Variants in SLAIN1 observed in about 807,000 individuals in gnomAD.
SLAIN1 encodes SLAIN motif-containing protein 1.
SLAIN1 carries 17 observed loss-of-function variants against 55.4 expected under a neutral mutation model. That is an observed-to-expected ratio of 0.31 (90% CI 0.21 to 0.46). SLAIN1 has a LOEUF of 0.46. SLAIN1 is among the 20% of genes least tolerant of loss of function. The probability of loss-of-function intolerance (pLI) is 1.00; values close to 1 mark genes in which losing one functional copy is unlikely to be tolerated. For synonymous variants in SLAIN1, 348 were observed against 337.4 expected (o/e 1.03, Z -0.35); for missense variants, 682 against 785.1 (o/e 0.87, Z 1.57).
intron 5 of SLAIN1, among the ~76,000 whole-genome samples, chr13:77,758,433 G>T (rs1002608935): frequency 7.2e-5 from 11 of 151,836 alleles, no homozygotes; most frequent in African/African-American, 2.7e-4. Flanking sequence ...AGTTTAATTA[G>T]GTCCCATTTA....
At chr13:77,728,314 A>C (rs575484769) in intron 2 of SLAIN1, among the ~76,000 whole-genome samples, 41 of 152,318 alleles carry the variant, frequency 2.7e-4, no homozygotes, top group African/African-American at 7.7e-4. Context: ...AAATAACCAA[A>C]TAATGATCAA....
In SLAIN1 at chr13:77,698,387, C is replaced by A; in HGVS notation, c.474C>A (p.Gly158=). ...TCAAGCCGGCAGCAGGCTTCTTCGG[C>A]GCGGGCGGTGGCGGGCCGGAGCCGG... ...VYFKPAAGFF[G]AGGGGPEPGG... is the part of the protein sequence containing the mutation. Residue 158 remains glycine, a synonymous_variant, in exon 1 of 7, where the codon GGC becomes GGA. Coordinates refer to ENST00000418532, the MANE Select transcript of SLAIN1 (RefSeq NM_001242868.2). This position sits in a 1 kb window ranked among gnomAD's most constrained non-coding sequence, Gnocchi z 4.1. 3.5e-6 allele frequency: 5 copies of A among 1,419,240 alleles called. No homozygotes were observed. Among genetic ancestry groups the A allele is most frequent in the Non-Finnish European group, 4.6e-6 (5 of 1,087,054 alleles). 87.9% of individuals were successfully genotyped at this position (1,419,240 alleles called of 1,614,324 possible). A position where few individuals can be genotyped will look rare whatever the true frequency, so the allele number is the denominator to read the frequency against.
intron 4 of SLAIN1, among the ~76,000 whole-genome samples, chr13:77,748,954 C>T (rs1874026787): frequency 6.6e-6 from 1 of 152,166 alleles, no homozygotes; most frequent in Admixed American, 6.5e-5. Context: ...ATGAATGTTA[C>T]ATTGCATGTA....
intron 5 of SLAIN1, among the ~76,000 whole-genome samples, chr13:77,756,740 G>A (rs1874635121): frequency 6.6e-6 from 1 of 152,064 alleles, no homozygotes; most frequent in Admixed American, 6.6e-5. Context: ...CAGCAACACA[G>A]GTGAATCTCA....
intron 1 of SLAIN1, among the ~76,000 whole-genome samples, chr13:77,699,917 G>T (rs2091014309): frequency 6.6e-6 from 1 of 152,060 alleles, no homozygotes; most frequent in African/African-American, 2.4e-5. Flanking sequence ...ATGGTCCTTA[G>T]ATTTCACTAA....
intron 1 of SLAIN1, among the ~76,000 whole-genome samples, chr13:77,706,951 T>C (rs2091095948): frequency 6.6e-6 from 1 of 152,206 alleles, no homozygotes; most frequent in Non-Finnish European, 1.5e-5. Context: ...GCTTCCTTTA[T>C]TCCTAGTATT....
intron 2 of SLAIN1, among the ~76,000 whole-genome samples, chr13:77,728,984 A>G (rs1435273033): frequency 6.6e-6 from 1 of 152,222 alleles, no homozygotes; most frequent in Admixed American, 6.6e-5. Context: ...TTGTGCAGAG[A>G]CAGGGTCTCC....
At position 77,760,977 on chromosome 13, in the gene SLAIN1, T is replaced by A; in HGVS notation, c.1564T>A (p.Ser522Thr). ...MPLSNGLQLY[S>T]NTGIPTPNKA... ...TTTATCAAACGGCTTACAGCTGTAT[T>A]CCAACACAGGAATCCCCACACCGAA... The change falls in exon 6 of 7, where the codon TCC becomes ACC. Residue 522 changes from serine (S) to threonine (T), a missense_variant. Ser to Thr is a moderately conservative substitution (Grantham distance 58). This residue lies in a region of SLAIN1 where 244 missense variants were observed against 295.2 expected (regional missense o/e 0.83). Transcript: ENST00000418532. 2 of 1,614,180 alleles carry A rather than the reference T, an allele frequency of 1.2e-6. No homozygotes were observed. The highest frequency in any genetic ancestry group is 1.7e-6 in the Non-Finnish European group (2 of 1,180,032).
At chr13:77,707,424 T>G (rs1438886908) in intron 1 of SLAIN1, among the ~76,000 whole-genome samples, 7 of 152,314 alleles carry the variant, frequency 4.6e-5, no homozygotes, top group Admixed American at 3.9e-4. Flanking sequence ...TCTTGACATT[T>G]TCATCTGTTC....
chr13:77,747,186 G>T (rs1200657479), intron 4 of SLAIN1, among the ~76,000 whole-genome samples: 1 of 151,900 alleles, frequency 6.6e-6, no homozygotes, highest in East Asian at 1.9e-4. Context: ...CAGGTAATCT[G>T]CCCGCCTTAG....
At chr13:77,706,463 C>G (rs559850583) in intron 1 of SLAIN1, among the ~76,000 whole-genome samples, 2 of 152,078 alleles carry the variant, frequency 1.3e-5, no homozygotes, top group South Asian at 4.1e-4. Flanking sequence ...CATAAAATCC[C>G]TCATTAAGGT....
chr13:77,717,352 C>T (rs1260486596), intron 1 of SLAIN1, among the ~76,000 whole-genome samples: 2 of 152,040 alleles, frequency 1.3e-5, no homozygotes, highest in Non-Finnish European at 2.9e-5. Context: ...GGATGTATTC[C>T]CTCCTCTTCT....
chr13:77,732,158 T>A (rs1372750050), intron 2 of SLAIN1, among the ~76,000 whole-genome samples: 1 of 152,144 alleles, frequency 6.6e-6, no homozygotes, highest in Admixed American at 6.5e-5. Flanking sequence ...GAAGAGTCTT[T>A]TAGTATCAGA....
At chr13:77,710,213 A>G (rs565151680) in intron 1 of SLAIN1, among the ~76,000 whole-genome samples, 1 of 152,214 alleles carries the variant, frequency 6.6e-6, no homozygotes, top group Non-Finnish European at 1.5e-5. Context: ...GACAGGATCA[A>G]ATTCACACAT....
At chr13:77,700,497 G>T (rs1435107779) in intron 1 of SLAIN1, among the ~76,000 whole-genome samples, 1 of 152,100 alleles carries the variant, frequency 6.6e-6, no homozygotes, top group Non-Finnish European at 1.5e-5. Context: ...TAGTGGGATG[G>T]TCTTAAAAAT....
chr13:77,741,171 G>A (rs556747194), intron 2 of SLAIN1: 211 of 985,350 alleles, frequency 2.1e-4, no homozygotes, highest in Non-Finnish European at 2.5e-4. Flanking sequence ...TAATTTGCCT[G>A]GCAAGTGATC....
rs150195947 is a variant in SLAIN1, at chr13:77,761,845, C to T, written c.1697+735C>T. Among the ~76,000 whole-genome samples, 797 of 151,864 alleles carry T rather than the reference C, an allele frequency of 5.2e-3. 3 individuals are homozygous for T. Among genetic ancestry groups the T allele is most frequent in the Middle Eastern group, 0.031 (9 of 292 alleles). On this transcript the variant is annotated intron_variant, in intron 6 of 6. Coordinates refer to ENST00000418532, the MANE Select transcript of SLAIN1 (RefSeq NM_001242868.2). ...TCATGGAGTATCTTATATTAAAAAT[C>T]CATAAAAGTGGTTTGAGGAGAGATT...
In SLAIN1 at chr13:77,738,276, T is replaced by A. The variant is rs537159716; in HGVS notation, c.767-6007T>A. ...TATATACATATACATATATATATAT[T>A]TTTTTCTCAGGTACACGGCATTACT... On this transcript the variant is annotated intron_variant, in intron 2 of 6. Coordinates refer to ENST00000418532, the MANE Select transcript of SLAIN1 (RefSeq NM_001242868.2). 1.2e-3 allele frequency among the ~76,000 whole-genome samples: 188 copies of A among 151,378 alleles called. 1 individual carries two copies. The highest frequency in any genetic ancestry group is 4.0e-3 in the African/African-American group (164 of 41,254).
rs1031661371 is a variant in SLAIN1, at chr13:77,763,352, C to A, written c.*132C>A. 6.0e-6 allele frequency: 4 copies of A among 666,638 alleles called. No homozygotes were observed. The highest frequency in any genetic ancestry group is 5.4e-5 in the African/African-American group (3 of 55,568). 41.3% of individuals were successfully genotyped at this position (666,638 alleles called of 1,614,324 possible). ...TTTTAATATATTTACTGCATTGTTTCTCAATGGACCAGTCACCAGAGACTA... is the reference window on the plus strand; with the variant it reads ...TTTTAATATATTTACTGCATTGTTTATCAATGGACCAGTCACCAGAGACTA... On this transcript the variant is annotated 3_prime_UTR_variant, in exon 7 of 7. Transcript: ENST00000418532.
Sources: gnomAD v4.1 joint callset for allele counts (sites outside exome capture counted in the v4.1 genomes callset) on GRCh38, gnomAD v4.1.1 for gene constraint, gnomAD v4.1.1 regional missense constraint, Gnocchi (gnomAD v3.1) non-coding constraint, MANE v1.5 for transcripts, NCBI Gene and HGNC (gene_info 2026-07-23, HGNC 2026-07-21) for gene names.